Variants in JARID2 observed in about 807,000 individuals in gnomAD.
The protein encoded by JARID2 is jumonji and AT-rich interaction domain containing 2.
JARID2 carries 21 observed loss-of-function variants against 125.6 expected under a neutral mutation model. That is an observed-to-expected ratio of 0.17 (90% CI 0.12 to 0.24). The LOEUF is 0.24. Among genes scored for constraint, JARID2 ranks in the 10% least tolerant of loss-of-function variants. The probability of loss-of-function intolerance (pLI) is 1.00; values close to 1 mark genes in which losing one functional copy is unlikely to be tolerated. For synonymous variants in JARID2, 736 were observed against 661.6 expected (o/e 1.11, Z -1.73); for missense variants, 1,303 against 1,639.6 (o/e 0.79, Z 3.55).
At chr6:15,497,317 T>A (rs1267495756) in intron 7 of JARID2, 147 bp downstream of exon 7, 2 of 670,182 alleles carry the variant, frequency 3.0e-6, no homozygotes, top group Middle Eastern at 8.4e-4. Context: ...CTCAGCTCAT[T>A]CCCCCTGCAG....
At chr6:15,359,803 C>T (rs933698882) in intron 1 of JARID2, among the ~76,000 whole-genome samples, 16 of 151,566 alleles carry the variant, frequency 1.1e-4, no homozygotes, top group Admixed American at 7.9e-4. Context: ...TCTCCTGTCT[C>T]GGCGTCCTGA....
At chr6:15,511,238 ACATG>A in intron 12 of JARID2, 54 bp from the exon 13 acceptor site, 1 of 1,195,898 alleles carries the variant, frequency 8.4e-7, no homozygotes, top group Non-Finnish European at 1.3e-6. Flanking sequence ...GTGGCCCAGT[ACATG>A]CAGGAGGCCC....
chr6:15,497,733 ACCT>A (rs550510837), intron 7 of JARID2, among the ~76,000 whole-genome samples: 8 of 151,158 alleles, frequency 5.3e-5, no homozygotes, highest in African/African-American at 1.7e-4. Flanking sequence ...CTGGGCTGTC[ACCT>A]CCTACCCACA....
chr6:15,311,501 C>T (rs1039745035), intron 1 of JARID2, among the ~76,000 whole-genome samples: 7 of 152,200 alleles, frequency 4.6e-5, no homozygotes, highest in African/African-American at 1.7e-4. Flanking sequence ...TCGCTTGAAC[C>T]TGGGAGGCGG....
chr6:15,368,134 T>G (rs1764041319), intron 1 of JARID2, among the ~76,000 whole-genome samples: 1 of 152,218 alleles, frequency 6.6e-6, no homozygotes, highest in South Asian at 2.1e-4. Flanking sequence ...ATCATGTACC[T>G]TTTTGTCTTG....
chr6:15,419,383 G>A (rs1329923670), intron 3 of JARID2, among the ~76,000 whole-genome samples: 6 of 152,196 alleles, frequency 3.9e-5, no homozygotes, highest in East Asian at 1.9e-4. Context: ...AGATGTGGAA[G>A]TAAATATAAA....
intron 1 of JARID2, among the ~76,000 whole-genome samples, chr6:15,273,592 T>G (rs1395851199): frequency 1.3e-5 from 2 of 152,258 alleles, no homozygotes; most frequent in Non-Finnish European, 2.9e-5. Context: ...TCCCAGCTAC[T>G]TGGAAGGCTG....
At chr6:15,394,924 G>A (rs568945378) in intron 2 of JARID2, among the ~76,000 whole-genome samples, 2 of 129,366 alleles carry the variant, frequency 1.5e-5, no homozygotes, top group South Asian at 5.5e-4. Context: ...CCAGGAAACC[G>A]ACGTAGAATA....
rs956945490 is a variant in JARID2 at position 15,389,075 on chromosome 6, A to G, written c.181+14823A>G. 2.6e-5 allele frequency among the ~76,000 whole-genome samples: 4 copies of G among 152,236 alleles called. No individual in the cohort carries two copies. The East Asian group carries it at 7.7e-4, about 29-fold the overall frequency. On this transcript the variant is annotated intron_variant, in intron 2 of 17. Transcript: ENST00000341776. Reference sequence around the variant, plus strand: ...AGTGGTAGTCTGCTTTTAGCTTTCCATGGCTCTCAAAGTTATGCTGCCATG... The same window carrying G: ...AGTGGTAGTCTGCTTTTAGCTTTCCGTGGCTCTCAAAGTTATGCTGCCATG...
intron 5 of JARID2, among the ~76,000 whole-genome samples, chr6:15,473,742 A>G (rs1434286036): frequency 6.6e-6 from 1 of 152,240 alleles, no homozygotes; most frequent in Non-Finnish European, 1.5e-5. Context: ...TACCTGGGAT[A>G]TAGGTCTCTG....
chr6:15,478,185 G>A (rs1260765507), intron 5 of JARID2, among the ~76,000 whole-genome samples: 2 of 152,228 alleles, frequency 1.3e-5, no homozygotes, highest in Non-Finnish European at 2.9e-5. Flanking sequence ...CAGGCAGCTA[G>A]AAGATGGTGT....
At chr6:15,514,725 G>T (rs1328871832) in intron 16 of JARID2, among the ~76,000 whole-genome samples, 1 of 152,124 alleles carries the variant, frequency 6.6e-6, no homozygotes, top group Non-Finnish European at 1.5e-5. Flanking sequence ...AAATCACATT[G>T]TATCAGATAG....
At chr6:15,484,161 ATACGTCGC>A (rs1318847218) in intron 5 of JARID2, among the ~76,000 whole-genome samples, 6 of 151,476 alleles carry the variant, frequency 4.0e-5, no homozygotes, top group Admixed American at 2.6e-4. Flanking sequence ...TGATCTGACC[ATACGTCGC>A]TAGTGGAAAA....
At chr6:15,474,263 C>G (rs1485100346) in intron 5 of JARID2, among the ~76,000 whole-genome samples, 2 of 152,200 alleles carry the variant, frequency 1.3e-5, no homozygotes, top group African/African-American at 4.8e-5. Context: ...GTGTAGCAGT[C>G]TTTCAAAATT....
intron 3 of JARID2, 150 bp downstream of exon 3, chr6:15,410,515 C>T: frequency 1.4e-6 from 1 of 739,178 alleles, no homozygotes; most frequent in East Asian, 2.7e-5. Context: ...TATCAAATGC[C>T]CTGCTTTCTA....
intron 2 of JARID2, among the ~76,000 whole-genome samples, chr6:15,386,505 T>C (rs531057163): frequency 5.3e-5 from 8 of 152,264 alleles, no homozygotes; most frequent in South Asian, 2.1e-4. Flanking sequence ...TGTTTGTTTG[T>C]TTAGAGACAG....
intron 5 of JARID2, among the ~76,000 whole-genome samples, chr6:15,475,715 A>G (rs1769307109): frequency 6.6e-6 from 1 of 152,240 alleles, no homozygotes; most frequent in Non-Finnish European, 1.5e-5. Flanking sequence ...CTCTGGCTGC[A>G]TGGAAAGAAC....
At chr6:15,498,674 T>C (rs1290676701) in intron 7 of JARID2, among the ~76,000 whole-genome samples, 1 of 152,242 alleles carries the variant, frequency 6.6e-6, no homozygotes, top group Non-Finnish European at 1.5e-5. Context: ...GGAGGTTTCG[T>C]GGTTCCCCTC....
At chr6:15,436,504 G>T (rs1409813339) in intron 3 of JARID2, among the ~76,000 whole-genome samples, 1 of 152,164 alleles carries the variant, frequency 6.6e-6, no homozygotes, top group African/African-American at 2.4e-5. Context: ...ATAGGCCCAG[G>T]ATGGGGGCGT....
Sources: allele counts gnomAD v4.1 joint callset (sites outside exome capture counted in the v4.1 genomes callset), GRCh38; gene constraint gnomAD v4.1.1; transcripts MANE v1.5; gene names NCBI Gene and HGNC (gene_info 2026-07-23, HGNC 2026-07-21).